The following MPI variants were observed in gnomAD, a reference collection of about 807,000 sequenced individuals.
The protein encoded by MPI is mannose phosphate isomerase, also known as mannose-6-phosphate isomerase.
Under a neutral mutation model 40.1 loss-of-function variants are expected in MPI, and 33 were observed. The ratio of observed to expected loss-of-function variants is 0.82; its 90% CI spans 0.62 to 1.10. The LOEUF (loss-of-function observed/expected upper bound fraction) is 1.10, where lower values mean the gene tolerates loss of function less well. Among genes scored for constraint, MPI ranks in the 50% least tolerant of loss-of-function variants. The probability of loss-of-function intolerance (pLI) is 0.00; values close to 1 mark genes in which losing one functional copy is unlikely to be tolerated. For missense variants in MPI, 514 were observed against 524.1 expected (o/e 0.98, Z 0.19); for synonymous variants, 187 against 207.4 (o/e 0.90, Z 0.85).
intron 5 of MPI, among the ~76,000 whole-genome samples, chr15:74,895,142 T>TA (rs2064799146): frequency 6.7e-6 from 1 of 148,792 alleles, no homozygotes; most frequent in Non-Finnish European, 1.5e-5. Context: ...TTTTTTTTTT[T>TA]TTTTTTGTAT....
At chr15:74,894,323 A>G (rs998950133) in intron 5 of MPI, among the ~76,000 whole-genome samples, 2 of 151,596 alleles carry the variant, frequency 1.3e-5, no homozygotes, top group Non-Finnish European at 2.9e-5. Flanking sequence ...AGCTCAGGCA[A>G]TTCACCTGCC....
chr15:74,896,825 CAAT>C, intron 6 of MPI, 183 bp from the exon 7 acceptor site: 1 of 682,016 alleles, frequency 1.5e-6, no homozygotes, highest in Non-Finnish European at 2.6e-6. Flanking sequence ...TCCCCTCTGA[CAAT>C]AATGGGTGAC....
rs1447635368 is a variant in MPI at position 74,902,018 on chromosome 15, A to T, written c.*4288A>T. On this transcript the variant is annotated 3_prime_UTR_variant, in exon 8 of 8. Coordinates refer to ENST00000352410, the MANE Select transcript of MPI (RefSeq NM_002435.3). ...CTGGAAGCCAGGATCCTGCTGTATC[A>T]TTAAGCAACCTGCTATGATCCCTGT... 2.5e-6 allele frequency: 1 copy of T among 398,172 alleles called. No homozygotes were observed. The highest frequency in any genetic ancestry group is 1.3e-4 in the South Asian group (1 of 7,608). The allele number at this position is 398,172 out of a possible 1,614,324, so 24.7% of individuals were successfully genotyped here.
chr15:74,897,841 C>T lies in MPI; in HGVS notation c.*111C>T. The T allele has an allele frequency of 9.4e-7, 1 of 1,062,142 alleles. No individual in the cohort carries two copies. Among genetic ancestry groups the T allele is most frequent in the South Asian group, 1.3e-5 (1 of 75,428 alleles). The allele number at this position is 1,062,142 out of a possible 1,614,324, so 65.8% of individuals were successfully genotyped here. A position where few individuals can be genotyped will look rare whatever the true frequency, so the allele number is the denominator to read the frequency against. ...CCTTGCTCTGGACCCCTTAGGTATA[C>T]CCTGGAAGAGCTGGGGTGGGGGAGG... On this transcript the variant is annotated 3_prime_UTR_variant, in exon 8 of 8. Transcript: ENST00000352410.
chr15:74,893,457 G>T, intron 5 of MPI, 137 bp downstream of exon 5: 1 of 884,218 alleles, frequency 1.1e-6, no homozygotes, highest in Non-Finnish European at 1.9e-6. Context: ...TGACCTGTTG[G>T]CAACTTAGCA....
rs2064776932 is a variant in MPI at position 74,894,099 on chromosome 15, T to TG, written c.670+780dup. On this transcript the variant is annotated intron_variant, in intron 5 of 7. Transcript: ENST00000352410. ...GTGTGTGTGTGTGTGTGTGTGTGTG[T>TG]GTGTGTGTGGTCTCTTTCTGTTGCC... Among the ~76,000 whole-genome samples the TG allele has an allele frequency of 1.2e-4, 3 of 26,018 alleles. 1 individual carries two copies. The highest frequency in any genetic ancestry group is 2.3e-4 in the Non-Finnish European group (3 of 12,852). 17.1% of individuals were successfully genotyped at this position (26,018 alleles called of 152,430 possible).
chr15:74,896,437 C>A, intron 6 of MPI, 112 bp downstream of exon 6: 1 of 1,239,270 alleles, frequency 8.1e-7, no homozygotes, highest in Non-Finnish European at 1.2e-6. Context: ...GACCTTGCAG[C>A]TCTGACCTCT....
rs982516015 is a variant in MPI, at chr15:74,898,344, G to A, written c.*614G>A. The A allele has an allele frequency of 1.7e-5, 3 of 178,224 alleles. No individual in the cohort carries two copies. The highest frequency in any genetic ancestry group is 1.1e-4 in the Admixed American group (2 of 18,672). The allele number at this position is 178,224 out of a possible 1,614,324, so 11.0% of individuals were successfully genotyped here. A position where few individuals can be genotyped will look rare whatever the true frequency, so the allele number is the denominator to read the frequency against. On this transcript the variant is annotated 3_prime_UTR_variant, in exon 8 of 8. Transcript: ENST00000352410. ...TTATTCCTATTTCATACAGCTTCTC[G>A]GGGGAGTGAGCAGGCTACACTCCAG...
rs2064743056 is a variant in MPI, at chr15:74,892,590, G to A, written c.346-71G>A. On this transcript the variant is annotated intron_variant, in intron 3 of 7. Transcript: ENST00000352410. The stretch of plus-strand genomic sequence containing the variant: ...GGGGAGGGTGGACAGCAGGGGCTAG[G>A]TGGCACTGGTGTACCTGCTAGGTAA... 8.1e-6 allele frequency: 13 copies of A among 1,601,904 alleles called. No homozygotes were observed. In the Admixed American group the frequency reaches 2.2e-4, roughly 27 times the overall value.
intron 2 of MPI, 153 bp downstream of exon 2, chr15:74,890,807 AAAAG>A: frequency 1.0e-6 from 1 of 1,004,682 alleles, no homozygotes; most frequent in Non-Finnish European, 1.5e-6. Flanking sequence ...AGTGTTATCA[AAAAG>A]AAGAGAGGTT....
At chr15:74,891,661 T>C in intron 3 of MPI, 82 bp downstream of exon 3, 1 of 1,478,560 alleles carries the variant, frequency 6.8e-7, no homozygotes, top group East Asian at 2.3e-5. Context: ...CTGCCACTTT[T>C]ACCCCACCCA....
rs2064889786 is a variant in MPI, at chr15:74,900,102, A to G, written c.*2372A>G. 1.3e-5 allele frequency: 2 copies of G among 152,304 alleles called. No homozygotes were observed. The highest frequency in any genetic ancestry group is 2.9e-5 in the Non-Finnish European group (2 of 68,120). The allele number at this position is 152,304 out of a possible 1,614,324, so 9.4% of individuals were successfully genotyped here. A position where few individuals can be genotyped will look rare whatever the true frequency, so the allele number is the denominator to read the frequency against. On this transcript the variant is annotated 3_prime_UTR_variant, in exon 8 of 8. Coordinates refer to ENST00000352410, the MANE Select transcript of MPI (RefSeq NM_002435.3). Reference sequence around the variant, plus strand: ...ATGGTACCACTCCTGCTGGGAGGTAAGCCTGGATACACCCCTCTCCTCAGG... The same window carrying G: ...ATGGTACCACTCCTGCTGGGAGGTAGGCCTGGATACACCCCTCTCCTCAGG...
intron 5 of MPI, 133 bp from the exon 6 acceptor site, chr15:74,896,019 A>C: frequency 9.8e-7 from 1 of 1,025,298 alleles, no homozygotes; most frequent in South Asian, 1.3e-5. Context: ...AGGCGTGGCC[A>C]GAAGGACAGG....
chr15:74,893,261 G>T lies in MPI; in HGVS notation c.611G>T (p.Ser204Ile), dbSNP rs752287684. Residue 204 changes from serine to isoleucine, a missense_variant, in exon 5 of 8, where the codon AGT (serine) becomes ATT (isoleucine). Ser to Ile is a moderately radical substitution (Grantham distance 142). Transcript: ENST00000352410. ...AGCTGTTTCTCCCACCTGATGAAGAGTGAGAAGAAGGTGGTGGTGGAACAG... is the reference window on the plus strand; with the variant it reads ...AGCTGTTTCTCCCACCTGATGAAGATTGAGAAGAAGGTGGTGGTGGAACAG... ...LQSCFSHLMKSEKKVVVEQLN... is the reference protein window; with the variant it reads ...LQSCFSHLMKIEKKVVVEQLN... The T allele has an allele frequency of 6.2e-7, 1 of 1,614,254 alleles. No homozygotes were observed. Among genetic ancestry groups the T allele is most frequent in the South Asian group, 1.1e-5 (1 of 91,090 alleles).
At chr15:74,891,710 C>A (rs1368728339) in intron 3 of MPI, 131 bp downstream of exon 3, 3 of 983,440 alleles carry the variant, frequency 3.1e-6, no homozygotes, top group Non-Finnish European at 4.8e-6. Context: ...AGGCTGACAA[C>A]TCCCAATTTA....
At chr15:74,892,903 G>C (rs146221197) in intron 4 of MPI, 101 bp downstream of exon 4, 2 of 1,577,672 alleles carry the variant, frequency 1.3e-6, no homozygotes, top group South Asian at 1.1e-5. Flanking sequence ...CATGTCACAG[G>C]AACTGAAGGG....
In MPI at chr15:74,897,229, G is replaced by A; in HGVS notation, c.1053+10G>A. ...CATTATGAAGACGGAGGTGAGTGAGGGGCTATGATGGGTGTCCTTCGTGTG... is the reference window on the plus strand; with the variant it reads ...CATTATGAAGACGGAGGTGAGTGAGAGGCTATGATGGGTGTCCTTCGTGTG... On this transcript the variant is annotated intron_variant, in intron 7 of 7. Transcript: ENST00000352410. 6.2e-7 allele frequency: 1 copy of A among 1,612,280 alleles called. No individual in the cohort carries two copies. Among genetic ancestry groups the A allele is most frequent in the Non-Finnish European group, 8.5e-7 (1 of 1,178,366 alleles).
At chr15:74,891,010 C>T (rs1185300216) in intron 2 of MPI, 8 of 566,268 alleles carry the variant, frequency 1.4e-5, no homozygotes, top group African/African-American at 3.7e-5. Flanking sequence ...GGAAGGCTTT[C>T]GCCTCTGCTT....
At chr15:74,896,552 CTGATTT>C in intron 6 of MPI, 1 of 681,094 alleles carries the variant, frequency 1.5e-6, no homozygotes, top group Non-Finnish European at 2.7e-6. Flanking sequence ...CCATGCTACT[CTGATTT>C]TAAGTCCTGC....
Sources: allele counts gnomAD v4.1 joint callset (sites outside exome capture counted in the v4.1 genomes callset), GRCh38; gene constraint gnomAD v4.1.1; transcripts MANE v1.5; gene names NCBI Gene and HGNC (gene_info 2026-07-23, HGNC 2026-07-21).